Variants in CAMKMT observed in about 807,000 individuals in gnomAD.
CAMKMT encodes the protein calmodulin-lysine N-methyltransferase.
In CAMKMT, 53 loss-of-function variants were observed where a neutral mutation model predicts 48.0. The observed-to-expected ratio is 1.10, with a 90% CI of 0.89 to 1.39. The LOEUF (loss-of-function observed/expected upper bound fraction) is 1.39, where lower values mean the gene tolerates loss of function less well. CAMKMT is among the 40% of genes most tolerant of loss of function. The pLI is 0.00. For missense variants in CAMKMT, 428 were observed against 402.7 expected (o/e 1.06, Z -0.54); for synonymous variants, 165 against 152.3 (o/e 1.08, Z -0.61).
chr2:44,683,822 C>CAAAAAAAAAAAAAAAAAAAAAAAAAAA (rs10644183), intron 3 of CAMKMT, among the ~76,000 whole-genome samples: 8 of 70,916 alleles, frequency 1.1e-4, no homozygotes, highest in Admixed American at 2.1e-4. Flanking sequence ...GACTCTGTCT[C>CAAAAAAAAAAAAAAAAAAAAAAAAAAA]AAAAAAAAAA....
intron 3 of CAMKMT, among the ~76,000 whole-genome samples, chr2:44,556,207 C>T (rs552710789): frequency 1.3e-5 from 2 of 152,122 alleles, no homozygotes; most frequent in African/African-American, 4.8e-5. Flanking sequence ...GGCGCCATCT[C>T]AGCTCACTGC....
intron 3 of CAMKMT, among the ~76,000 whole-genome samples, chr2:44,448,714 A>G (rs909135997): frequency 2.6e-5 from 4 of 152,208 alleles, no homozygotes; most frequent in African/African-American, 9.6e-5. Flanking sequence ...GTATATGCGT[A>G]TGTTATAAAC....
chr2:44,636,019 A>G (rs1157801008), intron 3 of CAMKMT, among the ~76,000 whole-genome samples: 1 of 152,222 alleles, frequency 6.6e-6, no homozygotes, highest in Non-Finnish European at 1.5e-5. Context: ...ATATTAGAAA[A>G]ACACAAAACC....
intron 2 of CAMKMT, among the ~76,000 whole-genome samples, chr2:44,384,049 A>T (rs1680528026): frequency 1.3e-5 from 2 of 152,214 alleles, no homozygotes; most frequent in South Asian, 4.1e-4. Context: ...AGGAATCTCC[A>T]CACTGTTTCC....
At chr2:44,636,261 G>C (rs1282101564) in intron 3 of CAMKMT, among the ~76,000 whole-genome samples, 1 of 152,176 alleles carries the variant, frequency 6.6e-6, no homozygotes, top group East Asian at 1.9e-4. Flanking sequence ...AGAGACATAA[G>C]GCAGATGAGA....
intron 3 of CAMKMT, among the ~76,000 whole-genome samples, chr2:44,392,844 A>G (rs1006662358): frequency 6.6e-6 from 1 of 152,082 alleles, no homozygotes; most frequent in South Asian, 2.1e-4. Context: ...CAGTTCATAA[A>G]TCACCACCAT....
chr2:44,743,771 G>A, intron 8 of CAMKMT, 75 bp downstream of exon 8: 3 of 1,148,242 alleles, frequency 2.6e-6, no homozygotes, highest in Non-Finnish European at 3.9e-6. Flanking sequence ...GTGTTGCTTA[G>A]CTGACGGCTA....
intron 8 of CAMKMT, among the ~76,000 whole-genome samples, chr2:44,751,424 C>T (rs1286054862): frequency 6.6e-6 from 1 of 152,188 alleles, no homozygotes; most frequent in Non-Finnish European, 1.5e-5. Context: ...CTCTCTGTGC[C>T]TCCATTTCCT....
intron 7 of CAMKMT, among the ~76,000 whole-genome samples, chr2:44,741,425 G>A (rs962397949): frequency 2.0e-5 from 3 of 152,188 alleles, no homozygotes; most frequent in Non-Finnish European, 4.4e-5. Context: ...ACAACTCCAG[G>A]TACTGTATGA....
intron 3 of CAMKMT, among the ~76,000 whole-genome samples, chr2:44,594,981 A>T (rs1266691457): frequency 6.6e-6 from 1 of 152,176 alleles, no homozygotes; most frequent in Non-Finnish European, 1.5e-5. Context: ...AACCCCATCA[A>T]AAAGTGGGTG....
At chr2:44,654,754 AT>A (rs1370671500) in intron 3 of CAMKMT, among the ~76,000 whole-genome samples, 1 of 152,204 alleles carries the variant, frequency 6.6e-6, no homozygotes, top group Non-Finnish European at 1.5e-5. Flanking sequence ...GCCTCGAGTG[AT>A]CCACCTGCTT....
chr2:44,642,565 C>G (rs1673505428), intron 3 of CAMKMT, among the ~76,000 whole-genome samples: 1 of 152,190 alleles, frequency 6.6e-6, no homozygotes, highest in Non-Finnish European at 1.5e-5. Context: ...CCTTCTGCTT[C>G]TCTGCATTGT....
At chr2:44,607,021 T>A (rs1266978488) in intron 3 of CAMKMT, among the ~76,000 whole-genome samples, 2 of 152,210 alleles carry the variant, frequency 1.3e-5, no homozygotes, top group East Asian at 1.9e-4. Context: ...ATTTGTCACA[T>A]AACACCTCTA....
chr2:44,565,236 T>G (rs1052211720), intron 3 of CAMKMT, among the ~76,000 whole-genome samples: 3 of 152,134 alleles, frequency 2.0e-5, no homozygotes, highest in Non-Finnish European at 4.4e-5. Context: ...ACATTTGATC[T>G]ATAAATTGGA....
At chr2:44,671,523 G>A (rs1675325416) in intron 3 of CAMKMT, among the ~76,000 whole-genome samples, 1 of 152,216 alleles carries the variant, frequency 6.6e-6, no homozygotes, top group African/African-American at 2.4e-5. Context: ...TGCACTGAGG[G>A]TGTTCAACAG....
intron 3 of CAMKMT, among the ~76,000 whole-genome samples, chr2:44,567,924 T>G (rs575476155): frequency 1.2e-4 from 19 of 152,178 alleles, no homozygotes; most frequent in African/African-American, 3.4e-4. Context: ...GGGAAACTGG[T>G]GAATGAGGTA....
intron 2 of CAMKMT, among the ~76,000 whole-genome samples, chr2:44,374,110 T>A: frequency 1.1e-5 from 1 of 93,284 alleles, no homozygotes; most frequent in Admixed American, 1.5e-4. Flanking sequence ...AGAGTAAGAC[T>A]CTGCCTCAAA....
At chr2:44,505,882 ATTTG>A (rs1670235307) in intron 3 of CAMKMT, among the ~76,000 whole-genome samples, 1 of 126,578 alleles carries the variant, frequency 7.9e-6, no homozygotes, top group African/African-American at 2.9e-5. Flanking sequence ...TTATTTATTT[ATTTG>A]AGACAGAGTC....
intron 3 of CAMKMT, among the ~76,000 whole-genome samples, chr2:44,424,402 C>T (rs1067373): frequency 0.055 from 8,372 of 151,936 alleles, 257 homozygotes; most frequent in East Asian, 0.1. Flanking sequence ...GTGAAAGGGC[C>T]GTGATACATT....
Sources: gnomAD v4.1 joint callset for allele counts (sites outside exome capture counted in the v4.1 genomes callset) on GRCh38, gnomAD v4.1.1 for gene constraint, MANE v1.5 for transcripts, NCBI Gene and HGNC (gene_info 2026-07-23, HGNC 2026-07-21) for gene names.